The following CHODL variants were observed in gnomAD, a reference collection of about 807,000 sequenced individuals.
CHODL encodes chondrolectin, also known as transmembrane protein MT75.
In CHODL, 29 loss-of-function variants were observed where a neutral mutation model predicts 34.5. The ratio of observed to expected loss-of-function variants is 0.84; its 90% confidence interval spans 0.63 to 1.15. The LOEUF (loss-of-function observed/expected upper bound fraction) is 1.15, where lower values mean the gene tolerates loss of function less well. CHODL is among the 50% of genes most tolerant of loss of function. CHODL has a pLI of 0.00. For synonymous variants in CHODL, 125 were observed against 116.1 expected (o/e 1.08, Z -0.49); for missense variants, 332 against 332.5 (o/e 1.00, Z 0.01).
At chr21:18,158,098 C>A in intron 2 of CHODL, among the ~76,000 whole-genome samples, 1 of 142,218 alleles carries the variant, frequency 7.0e-6, no homozygotes, top group African/African-American at 2.6e-5. Context: ...AATTCAGGTG[C>A]TTGCCATTAG....
At chr21:18,168,518 T>A (rs1601096987) in intron 2 of CHODL, among the ~76,000 whole-genome samples, 2 of 152,336 alleles carry the variant, frequency 1.3e-5, no homozygotes, top group South Asian at 4.1e-4. Context: ...ATTTCCCTAA[T>A]GATTAATGAT....
At chr21:18,096,151 T>C (rs2065137242) in intron 2 of CHODL, among the ~76,000 whole-genome samples, 1 of 152,204 alleles carries the variant, frequency 6.6e-6, no homozygotes, top group Non-Finnish European at 1.5e-5. Context: ...CATTGATCAC[T>C]TCCCCAATCA....
chr21:18,260,902 T>C (rs956156681), intron 4 of CHODL, among the ~76,000 whole-genome samples: 5 of 152,072 alleles, frequency 3.3e-5, no homozygotes, highest in Non-Finnish European at 1.5e-5. Context: ...GAAATTTCTC[T>C]AACAACATGT....
intron 1 of CHODL, among the ~76,000 whole-genome samples, chr21:17,976,614 C>T (rs540594588): frequency 6.6e-6 from 1 of 152,222 alleles, no homozygotes; most frequent in African/African-American, 2.4e-5. Context: ...AAATTGTCAG[C>T]GTACACTTGA....
intron 2 of CHODL, among the ~76,000 whole-genome samples, chr21:18,076,139 C>G (rs574172991): frequency 1.3e-5 from 2 of 152,206 alleles, no homozygotes; most frequent in South Asian, 4.1e-4. Flanking sequence ...GGGGGCACTG[C>G]CATAACAAAT....
At chr21:17,954,976 C>G (rs1206418709) in intron 1 of CHODL, among the ~76,000 whole-genome samples, 1 of 131,952 alleles carries the variant, frequency 7.6e-6, no homozygotes, top group East Asian at 2.2e-4. Context: ...AGGCTACTGT[C>G]ATAAACTTTT....
chr21:18,211,141 T>TACACACACAC (rs3077936), intron 2 of CHODL, among the ~76,000 whole-genome samples: 1,950 of 148,750 alleles, frequency 0.013, 21 homozygotes, highest in African/African-American at 0.033. Flanking sequence ...TACACATGGA[T>TACACACACAC]ACACACACAC....
At chr21:18,243,306 C>T (rs746952145), upstream of CHODL, among the ~76,000 whole-genome samples, 9 of 152,222 alleles carry the variant, frequency 5.9e-5, no homozygotes, top group Middle Eastern at 3.4e-3. Context: ...ACATGGTTTC[C>T]GGGGCTGAGC....
chr21:18,170,583 C>T lies in CHODL; in HGVS notation c.-44-85926C>T, dbSNP rs527541718. On this transcript the variant is annotated intron_variant, in intron 2 of 6. Transcript: ENST00000400127. The stretch of plus-strand genomic sequence containing the variant: ...TTATTTTATCTTTTTATTGGTTGTC[C>T]TGGGGATTACAATTAACGTCTTAAT... Among the ~76,000 whole-genome samples, 11 of 151,958 alleles carry T rather than the reference C, an allele frequency of 7.2e-5. 1 individual carries two copies. The South Asian group carries it at 2.3e-3, about 32-fold the overall frequency.
intron 2 of CHODL, among the ~76,000 whole-genome samples, chr21:18,159,933 G>A (rs1380577582): frequency 2.0e-5 from 3 of 152,114 alleles, no homozygotes; most frequent in East Asian, 1.9e-4. Flanking sequence ...AAGAGTCTTC[G>A]GAAAGGAACA....
chr21:18,249,844 A>G lies in CHODL; in HGVS notation c.79+4542A>G, dbSNP rs146513399. Among the ~76,000 whole-genome samples, 579 of 152,292 alleles carry G rather than the reference A, an allele frequency of 3.8e-3. 5 individuals are homozygous for G. The highest frequency in any genetic ancestry group is 0.011 in the African/African-American group (470 of 41,556). The stretch of plus-strand genomic sequence containing the variant: ...AGGAATATTAAAAAGGTTCAAACAC[A>G]GTTATGCAGATTGTGCACTGTGTCG... On this transcript the variant is annotated intron_variant, in intron 1 of 5. Transcript: ENST00000299295.
chr21:18,075,249 T>G (rs975200503), intron 2 of CHODL, among the ~76,000 whole-genome samples: 1 of 152,184 alleles, frequency 6.6e-6, no homozygotes, highest in Non-Finnish European at 1.5e-5. Context: ...GAAAATGGGT[T>G]ATGAGTTATA....
chr21:18,060,709 CAAAAA>C (rs71318121), intron 2 of CHODL, among the ~76,000 whole-genome samples: 3 of 121,374 alleles, frequency 2.5e-5, no homozygotes, highest in Non-Finnish European at 3.3e-5. Context: ...CTCCTCGGAC[CAAAAA>C]AAAAAAAAAG....
chr21:18,192,915 C>G (rs565653381), intron 2 of CHODL, among the ~76,000 whole-genome samples: 4 of 152,206 alleles, frequency 2.6e-5, no homozygotes, highest in Admixed American at 6.5e-5. Context: ...AAAATAAGCT[C>G]TACTACTTTT....
At chr21:18,173,910 G>A (rs1336302268) in intron 2 of CHODL, among the ~76,000 whole-genome samples, 1 of 151,096 alleles carries the variant, frequency 6.6e-6, no homozygotes, top group Non-Finnish European at 1.5e-5. Flanking sequence ...TAATGTACAT[G>A]TTTGACCCAA....
chr21:18,221,416 C>G (rs1459050807), intron 2 of CHODL, among the ~76,000 whole-genome samples: 2 of 152,094 alleles, frequency 1.3e-5, no homozygotes, highest in Non-Finnish European at 2.9e-5. Flanking sequence ...TACTGAAAAA[C>G]TATTGTGTTC....
At chr21:18,002,482 T>C (rs1393425213) in intron 1 of CHODL, among the ~76,000 whole-genome samples, 1 of 152,240 alleles carries the variant, frequency 6.6e-6, no homozygotes, top group Non-Finnish European at 1.5e-5. Context: ...AACCTTTTTG[T>C]CACATGCTGG....
chr21:18,117,517 A>G (rs867121360), intron 2 of CHODL, among the ~76,000 whole-genome samples: 29 of 152,148 alleles, frequency 1.9e-4, no homozygotes, highest in African/African-American at 5.8e-4. Flanking sequence ...GTCTGCTTCA[A>G]TTCTGTCCTA....
chr21:18,121,510 A>G (rs910515332), intron 2 of CHODL, among the ~76,000 whole-genome samples: 3 of 151,260 alleles, frequency 2.0e-5, no homozygotes, highest in Admixed American at 6.6e-5. Flanking sequence ...ACATGGCCCA[A>G]ACGCTTACTT....
Sources: gnomAD v4.1 joint callset for allele counts (sites outside exome capture counted in the v4.1 genomes callset) on GRCh38, gnomAD v4.1.1 for gene constraint, MANE v1.5 for transcripts, NCBI Gene and HGNC (gene_info 2026-07-23, HGNC 2026-07-21) for gene names.